Variants in PARD3 observed in about 807,000 individuals in gnomAD.
The protein encoded by PARD3 is par-3 family cell polarity regulator.
PARD3 carries 75 observed loss-of-function variants against 155.4 expected under a neutral mutation model. The observed-to-expected ratio is 0.48, with a 90% CI of 0.40 to 0.58. The LOEUF (loss-of-function observed/expected upper bound fraction) is 0.58, where lower values mean the gene tolerates loss of function less well. PARD3 is among the 20% of genes least tolerant of loss of function. The probability of loss-of-function intolerance (pLI) is 0.00; values close to 1 mark genes in which losing one functional copy is unlikely to be tolerated. For synonymous variants in PARD3, 576 were observed against 610.5 expected (o/e 0.94, Z 0.83); for missense variants, 1,642 against 1,721.7 (o/e 0.95, Z 0.82).
chr10:34,401,947 A>G (rs1843928797), intron 5 of PARD3, 30 bp from the exon 6 acceptor site: 5 of 1,510,216 alleles, frequency 3.3e-6, no homozygotes, highest in Non-Finnish European at 3.7e-6. Context: ...AGAAAAGTAC[A>G]CTCTGTGTTA....
At chr10:34,196,568 CTT>C (rs71523319) in intron 22 of PARD3, among the ~76,000 whole-genome samples, 1 of 97,410 alleles carries the variant, frequency 1.0e-5, no homozygotes, top group Non-Finnish European at 1.9e-5. Context: ...GTACCCTTTT[CTT>C]TTTTTTTTTT....
At chr10:34,136,647 A>C (rs1372549463) in intron 22 of PARD3, among the ~76,000 whole-genome samples, 2 of 152,222 alleles carry the variant, frequency 1.3e-5, no homozygotes, top group African/African-American at 2.4e-5. Context: ...AAACTCTGGT[A>C]CAGGAGAAGA....
intron 22 of PARD3, among the ~76,000 whole-genome samples, chr10:34,192,668 C>T (rs1443995657): frequency 1.3e-5 from 2 of 152,170 alleles, no homozygotes; most frequent in Non-Finnish European, 2.9e-5. Flanking sequence ...ACCTCCTGGA[C>T]GTCAGAGTGT....
rs531476604 is a variant in PARD3 at position 34,792,057 on chromosome 10, A to G, written c.120+22819T>C. ...ATGCATCACGTGCTCGCCTCGTGAC[A>G]TGCGCCCAGGTGCTCGCTTGCTCAG... On this transcript the variant is annotated intron_variant, in intron 1 of 24. Transcript: ENST00000374788. Among the ~76,000 whole-genome samples the G allele has an allele frequency of 2.0e-3, 303 of 152,174 alleles. 2 individuals are homozygous for G. The highest frequency in any genetic ancestry group is 3.3e-3 in the Non-Finnish European group (227 of 67,984).
At chr10:34,250,757 TA>T (rs1954260460) in intron 22 of PARD3, among the ~76,000 whole-genome samples, 1 of 127,766 alleles carries the variant, frequency 7.8e-6, no homozygotes, top group Non-Finnish European at 1.9e-5. Context: ...ACATAGAACT[TA>T]TTTTAATTAT....
intron 22 of PARD3, among the ~76,000 whole-genome samples, chr10:34,211,205 C>T (rs1465383359): frequency 6.6e-6 from 1 of 152,120 alleles, no homozygotes; most frequent in African/African-American, 2.4e-5. Context: ...CACCTCCAAC[C>T]AAGAGATGTG....
intron 21 of PARD3, 21 bp from the exon 22 acceptor site, chr10:34,269,920 T>G: frequency 1.2e-6 from 2 of 1,609,060 alleles, no homozygotes; most frequent in Middle Eastern, 1.7e-4. Context: ...AGAACAAAGT[T>G]GAAATAAGAG....
At chr10:34,707,622 G>A (rs2094385752) in intron 1 of PARD3, among the ~76,000 whole-genome samples, 2 of 152,172 alleles carry the variant, frequency 1.3e-5, no homozygotes, top group Admixed American at 1.3e-4. Context: ...CCAACAACTC[G>A]TGGGTTTAGT....
intron 1 of PARD3, among the ~76,000 whole-genome samples, chr10:34,701,328 C>CA (rs2094272246): frequency 1.9e-5 from 2 of 103,054 alleles, no homozygotes; most frequent in Non-Finnish European, 4.2e-5. Context: ...ACAATACACG[C>CA]GGGGATGTTG....
chr10:34,234,534 C>A (rs953087833), intron 22 of PARD3, among the ~76,000 whole-genome samples: 1 of 152,170 alleles, frequency 6.6e-6, no homozygotes. Context: ...CTCCCTTCTG[C>A]CTGGGTGGCT....
intron 2 of PARD3, among the ~76,000 whole-genome samples, chr10:34,669,960 T>C (rs1015000168): frequency 6.6e-6 from 1 of 152,226 alleles, no homozygotes; most frequent in African/African-American, 2.4e-5. Flanking sequence ...AAAAGATTTA[T>C]AGTGAAAAGG....
chr10:34,694,086 C>T (rs903225962), intron 2 of PARD3, among the ~76,000 whole-genome samples: 2 of 149,984 alleles, frequency 1.3e-5, no homozygotes, highest in Admixed American at 6.6e-5. Flanking sequence ...TTTTTCCTCA[C>T]AAGGAGTTGT....
chr10:34,443,887 T>C (rs1398638720), intron 5 of PARD3, among the ~76,000 whole-genome samples: 1 of 152,228 alleles, frequency 6.6e-6, no homozygotes, highest in African/African-American at 2.4e-5. Flanking sequence ...CCCAAAACTC[T>C]GGCCTCTGAG....
intron 22 of PARD3, among the ~76,000 whole-genome samples, chr10:34,162,233 C>G (rs1215161579): frequency 6.6e-6 from 1 of 152,116 alleles, no homozygotes. Context: ...GGGGTGGAGC[C>G]ACCAGGAATT....
chr10:34,205,905 T>C (rs558800053), intron 22 of PARD3, among the ~76,000 whole-genome samples: 5 of 152,332 alleles, frequency 3.3e-5, no homozygotes, highest in African/African-American at 1.2e-4. Context: ...ATCTGATGGC[T>C]GCTGCCACTA....
chr10:34,573,890 C>T (rs2086674514), intron 2 of PARD3, among the ~76,000 whole-genome samples: 2 of 152,086 alleles, frequency 1.3e-5, no homozygotes, highest in Non-Finnish European at 2.9e-5. Flanking sequence ...AGGAGCTCTG[C>T]CACCCAGTGG....
chr10:34,793,339 G>A (rs1367066995), intron 1 of PARD3, among the ~76,000 whole-genome samples: 1 of 152,182 alleles, frequency 6.6e-6, no homozygotes, highest in African/African-American at 2.4e-5. Flanking sequence ...GCCATGATCA[G>A]GGAGAGGGAA....
chr10:34,371,516 AAAAAAAAAAAAAAAAACAACGAAGGAAT>A (rs1564637879), intron 12 of PARD3, among the ~76,000 whole-genome samples: 3 of 88,490 alleles, frequency 3.4e-5, no homozygotes, highest in African/African-American at 3.4e-4. Flanking sequence ...AAAAAAAAAA[AAAAAAAAAAAAAAAAACAACGAAGGAAT>A]ATTTGAAAAA....
chr10:34,224,694 G>A (rs1454011563), intron 22 of PARD3, among the ~76,000 whole-genome samples: 1 of 152,144 alleles, frequency 6.6e-6, no homozygotes, highest in Admixed American at 6.5e-5. Flanking sequence ...TGAAACCCTC[G>A]GCCAAACAAA....
Sources: gnomAD v4.1 joint callset for allele counts (sites outside exome capture counted in the v4.1 genomes callset) on GRCh38, gnomAD v4.1.1 for gene constraint, MANE v1.5 for transcripts, NCBI Gene and HGNC (gene_info 2026-07-23, HGNC 2026-07-21) for gene names.